Variants in COL13A1 observed in about 807,000 individuals in gnomAD.
COL13A1 encodes the protein collagen type XIII alpha 1 chain.
COL13A1 carries 89 observed loss-of-function variants against 130.9 expected under a neutral mutation model. The observed-to-expected ratio is 0.68, with a 90% CI of 0.57 to 0.81. The LOEUF is 0.81. COL13A1 is among the 30% of genes least tolerant of loss of function. The pLI is 0.00. For synonymous variants in COL13A1, 402 were observed against 341.6 expected, an observed-to-expected ratio of 1.18 and a Z score of -1.95; for missense variants, 879 against 934.6, an observed-to-expected ratio of 0.94 and a Z score of 0.78.
intron 2 of COL13A1, among the ~76,000 whole-genome samples, chr10:69,848,020 C>A (rs967312051): frequency 6.6e-6 from 1 of 152,224 alleles, no homozygotes. Context: ...CTTCCTCTTC[C>A]CAGCTTGTCT....
chr10:69,949,906 G>A (rs532037091), intron 38 of COL13A1, among the ~76,000 whole-genome samples: 2 of 151,924 alleles, frequency 1.3e-5, no homozygotes, highest in Non-Finnish European at 2.9e-5. Flanking sequence ...CCCAACTTTG[G>A]GGGGGTGGGG....
chr10:69,868,425 G>C (rs1324071185), intron 3 of COL13A1, among the ~76,000 whole-genome samples: 1 of 152,164 alleles, frequency 6.6e-6, no homozygotes, highest in Non-Finnish European at 1.5e-5. Context: ...GGAAGCCCAG[G>C]GTGGGGCAGG....
intron 2 of COL13A1, among the ~76,000 whole-genome samples, chr10:69,828,010 T>C (rs1007998228): frequency 2.6e-5 from 4 of 152,214 alleles, no homozygotes; most frequent in Admixed American, 6.5e-5. Flanking sequence ...GAAGAAAAGA[T>C]TCAAGAGTTG....
At chr10:69,810,943 G>A (rs1204352839) in intron 1 of COL13A1, among the ~76,000 whole-genome samples, 3 of 152,220 alleles carry the variant, frequency 2.0e-5, no homozygotes, top group African/African-American at 7.2e-5. Flanking sequence ...GGCCAGCCAA[G>A]CACAAAGGGG....
At chr10:69,892,743 G>A (rs1169335229) in intron 10 of COL13A1, among the ~76,000 whole-genome samples, 1 of 152,202 alleles carries the variant, frequency 6.6e-6, no homozygotes, top group Non-Finnish European at 1.5e-5. Flanking sequence ...ATGTGTTGTT[G>A]GACCTCGACA....
chr10:69,898,765 A>G lies in COL13A1; in HGVS notation c.750+3A>G. Reference sequence around the variant, plus strand: ...TCATAAAAAGGCGGACGTTCCAGGTAGACACCTCCCGTTTGTCCAGACCAT... The same window carrying G: ...TCATAAAAAGGCGGACGTTCCAGGTGGACACCTCCCGTTTGTCCAGACCAT... On this transcript the variant is annotated splice_donor_region_variant and intron_variant, in intron 14 of 40. Coordinates refer to ENST00000645393, the MANE Select transcript of COL13A1 (RefSeq NM_001368882.1). 1 of 1,611,714 alleles carries G rather than the reference A, an allele frequency of 6.2e-7. No homozygotes were observed. The highest frequency in any genetic ancestry group is 8.5e-7 in the Non-Finnish European group (1 of 1,178,510).
intron 10 of COL13A1, among the ~76,000 whole-genome samples, chr10:69,891,566 C>A (rs1426708121): frequency 6.6e-6 from 1 of 152,174 alleles, no homozygotes. Flanking sequence ...AATGCATTTC[C>A]CCCCGCCCCT....
intron 18 of COL13A1, 90 bp downstream of exon 18, chr10:69,917,423 G>T: frequency 8.3e-7 from 1 of 1,201,730 alleles, no homozygotes; most frequent in Non-Finnish European, 1.2e-6. Context: ...ACACTCTGGA[G>T]TCCCAGCTCT....
At chr10:69,888,716 A>C (rs2060852445) in intron 9 of COL13A1, among the ~76,000 whole-genome samples, 1 of 152,042 alleles carries the variant, frequency 6.6e-6, no homozygotes. Context: ...TGTGTCTCCC[A>C]TGGCCCTGTC....
chr10:69,897,391 G>A (rs2061752107), intron 13 of COL13A1: 1 of 1,392,966 alleles, frequency 7.2e-7, no homozygotes, highest in South Asian at 1.2e-5. Context: ...GAGGGGTGGG[G>A]AGCAGGGGAG....
chr10:69,828,451 C>T (rs993199390), intron 2 of COL13A1, among the ~76,000 whole-genome samples: 5 of 152,176 alleles, frequency 3.3e-5, no homozygotes, highest in African/African-American at 9.7e-5. Flanking sequence ...ATCCATGGCT[C>T]CTCAGTGCTC....
At chr10:69,817,689 G>A (rs1295848127) in intron 1 of COL13A1, among the ~76,000 whole-genome samples, 1 of 151,998 alleles carries the variant, frequency 6.6e-6, no homozygotes, top group Non-Finnish European at 1.5e-5. Flanking sequence ...AGTGGAGGGT[G>A]CAGACAGGGG....
intron 4 of COL13A1, among the ~76,000 whole-genome samples, chr10:69,873,500 A>G (rs3998148): frequency 0.15 from 23,078 of 152,236 alleles, 1,932 homozygotes; most frequent in Middle Eastern, 0.22. Flanking sequence ...TTTAGGGGGC[A>G]ATTGACAGAG....
At chr10:69,925,765 C>T (rs761873384) in intron 25 of COL13A1, 39 bp from the exon 26 acceptor site, 6 of 1,529,736 alleles carry the variant, frequency 3.9e-6, no homozygotes, top group African/African-American at 1.4e-5. Context: ...CCGGCCCTCC[C>T]GGTCCAGGCC....
chr10:69,938,911 C>T (rs1279036387), intron 34 of COL13A1, among the ~76,000 whole-genome samples: 1 of 152,158 alleles, frequency 6.6e-6, no homozygotes, highest in Non-Finnish European at 1.5e-5. Context: ...CCCACTCAAC[C>T]ACAAACCTCT....
chr10:69,917,209 G>A, intron 17 of COL13A1, 80 bp from the exon 18 acceptor site: 1 of 1,572,962 alleles, frequency 6.4e-7, no homozygotes, highest in African/African-American at 1.3e-5. Flanking sequence ...CTCCAGACAA[G>A]ACATTCTCAC....
rs753863986 is a variant in COL13A1, at chr10:69,944,106, C to T, written c.1915-19C>T. On this transcript the variant is annotated intron_variant, in intron 35 of 40. Coordinates refer to ENST00000645393, the MANE Select transcript of COL13A1 (RefSeq NM_001368882.1). ...CAGAGTGTGGGGACCCTCACCTCTG[C>T]TTTCTTTCCCCTTCCCAGGGTACTC... is the stretch of plus-strand genomic sequence containing the variant. 15 of 1,612,154 alleles carry T rather than the reference C, an allele frequency of 9.3e-6. 1 individual carries two copies. The highest frequency in any genetic ancestry group is 1.6e-4 in the Middle Eastern group (1 of 6,080).
chr10:69,879,077 A>C (rs2134269907), intron 6 of COL13A1, among the ~76,000 whole-genome samples: 1 of 152,308 alleles, frequency 6.6e-6, no homozygotes, highest in African/African-American at 2.4e-5. Context: ...CACTGACATA[A>C]CCTTTTCAGG....
chr10:69,951,221 C>G (rs1316428967), intron 38 of COL13A1, among the ~76,000 whole-genome samples: 1 of 152,186 alleles, frequency 6.6e-6, no homozygotes, highest in African/African-American at 2.4e-5. Context: ...GAACAGTGCA[C>G]ATGACAACCT....
Sources: allele counts gnomAD v4.1 joint callset (sites outside exome capture counted in the v4.1 genomes callset), GRCh38; gene constraint gnomAD v4.1.1; transcripts MANE v1.5; gene names NCBI Gene and HGNC (gene_info 2026-07-23, HGNC 2026-07-21).